Variants in CCDC171 observed in about 807,000 individuals in gnomAD.
CCDC171 encodes coiled-coil domain containing 171, also known as coiled-coil domain-containing protein 171.
A neutral mutation model predicts 168.2 loss-of-function variants in CCDC171; 177 were observed. The observed-to-expected ratio is 1.05, with a 90% CI of 0.93 to 1.19. CCDC171 has a LOEUF of 1.19. Ranked by LOEUF, CCDC171 falls within the 50% of genes most tolerant of loss-of-function variation. CCDC171 has a pLI of 0.00. For synonymous variants in CCDC171, 687 were observed against 540.8 expected (o/e 1.27, Z -3.75); for missense variants, 1,991 against 1,539.0 (o/e 1.29, Z -4.91).
intron 21 of CCDC171, among the ~76,000 whole-genome samples, chr9:15,791,424 G>C (rs1301621881): frequency 6.6e-6 from 1 of 152,016 alleles, no homozygotes; most frequent in African/African-American, 2.4e-5. Context: ...AAGAATGCTT[G>C]TGATTTTTGC....
intron 23 of CCDC171, among the ~76,000 whole-genome samples, chr9:15,873,651 G>T (rs918167909): frequency 6.6e-6 from 1 of 151,956 alleles, no homozygotes; most frequent in African/African-American, 2.4e-5. Context: ...AAATGCAAAC[G>T]AAACTATGGA....
At chr9:16,044,372 T>C (rs985187412) in intron 1 of CCDC171, among the ~76,000 whole-genome samples, 3 of 152,126 alleles carry the variant, frequency 2.0e-5, no homozygotes, top group Non-Finnish European at 4.4e-5. Flanking sequence ...ATTGTATACG[T>C]TGGGTTGTTT....
At chr9:15,850,677 G>C (rs1563868214) in intron 23 of CCDC171, among the ~76,000 whole-genome samples, 1 of 151,998 alleles carries the variant, frequency 6.6e-6, no homozygotes, top group Non-Finnish European at 1.5e-5. Context: ...GAGTGAGAAT[G>C]AATGAGTGAT....
intron 10 of CCDC171, among the ~76,000 whole-genome samples, chr9:15,679,736 A>G (rs1248124625): frequency 1.3e-5 from 2 of 152,078 alleles, no homozygotes; most frequent in South Asian, 2.1e-4. Flanking sequence ...TTTTACAGAG[A>G]TGAGGTCTCG....
At chr9:15,794,932 C>G (rs2058474754) in intron 21 of CCDC171, among the ~76,000 whole-genome samples, 1 of 152,166 alleles carries the variant, frequency 6.6e-6, no homozygotes, top group Admixed American at 6.5e-5. Context: ...GTATGTTTCT[C>G]CTACTGTCAT....
intron 10 of CCDC171, among the ~76,000 whole-genome samples, chr9:15,683,614 T>A (rs946128898): frequency 3.9e-5 from 6 of 152,078 alleles, no homozygotes; most frequent in Non-Finnish European, 8.8e-5. Flanking sequence ...ATCGCGTAAG[T>A]GTCTTTGTGT....
intron 7 of CCDC171, among the ~76,000 whole-genome samples, chr9:15,652,019 C>G (rs919804894): frequency 6.6e-5 from 10 of 152,142 alleles, no homozygotes; most frequent in Admixed American, 2.0e-4. Flanking sequence ...GCCGTCCTTT[C>G]CACTTTAGCC....
At chr9:15,967,815 A>G (rs961805268) in intron 25 of CCDC171, among the ~76,000 whole-genome samples, 3 of 152,212 alleles carry the variant, frequency 2.0e-5, no homozygotes, top group African/African-American at 7.2e-5. Context: ...CTCACTTTTT[A>G]TAATACTAAA....
chr9:15,876,830 C>T (rs781178223), intron 24 of CCDC171, among the ~76,000 whole-genome samples: 3 of 151,984 alleles, frequency 2.0e-5, no homozygotes, highest in Non-Finnish European at 4.4e-5. Context: ...TGTACTCTGA[C>T]TCTGTACTGA....
rs1379648180 is a variant in CCDC171 at position 15,721,871 on chromosome 9, A to G, written c.1421A>G (p.Asn474Ser). Residue 474 changes from asparagine (N) to serine (S), a missense_variant, in exon 12 of 26, where the codon AAT becomes AGT. By Grantham distance (46) the Asn-to-Ser change is conservative. Coordinates refer to ENST00000380701, the MANE Select transcript of CCDC171 (RefSeq NM_173550.4). ...CAGAACAAGCTGGAAGATGCATCTAATGAGGTAACACTTGCACTGTTTGGC... is the reference window on the plus strand; with the variant it reads ...CAGAACAAGCTGGAAGATGCATCTAGTGAGGTAACACTTGCACTGTTTGGC... ...DYQNKLEDAS[N>S]EEKACNELDS... is the part of the protein sequence containing the mutation. 1 of 1,532,288 alleles carries G rather than the reference A, an allele frequency of 6.5e-7. No homozygotes were observed. The highest frequency in any genetic ancestry group is 8.8e-7 in the Non-Finnish European group (1 of 1,131,188). The allele number at this position is 1,532,288 out of a possible 1,614,324, so 94.9% of individuals were successfully genotyped here.
intron 21 of CCDC171, among the ~76,000 whole-genome samples, chr9:15,804,090 G>A (rs963509378): frequency 6.6e-6 from 1 of 152,136 alleles, no homozygotes; most frequent in Admixed American, 6.5e-5. Flanking sequence ...TGTATCCTGA[G>A]ACTTTGCTGA....
At chr9:16,089,985 G>A in the CCDC171 span, among the ~76,000 whole-genome samples, 19 of 152,316 alleles carry the variant, frequency 1.2e-4, no homozygotes, top group South Asian at 3.9e-3. Context: ...GTGTAAATTA[G>A]TTCAACCATT....
Position 15,817,381 on chromosome 9 carries a change from C to T in CCDC171, c.3268-29321C>T, listed in dbSNP as rs1344995256. ...TGGGTGCAGTGCAGCAAGCATGAGC[C>T]GAAGCAGGGCGAGGCATTGCGTCAC... On this transcript the variant is annotated intron_variant, in intron 21 of 25. Coordinates refer to ENST00000380701, the MANE Select transcript of CCDC171 (RefSeq NM_173550.4). Among the ~76,000 whole-genome samples the T allele has an allele frequency of 5.1e-5, 6 of 117,466 alleles. 1 individual carries two copies. The highest frequency in any genetic ancestry group is 9.6e-5 in the Non-Finnish European group (5 of 52,282). 77.1% of individuals were successfully genotyped at this position (117,466 alleles called of 152,430 possible).
chr9:15,810,778 G>C (rs147610579), intron 21 of CCDC171, among the ~76,000 whole-genome samples: 1 of 152,164 alleles, frequency 6.6e-6, no homozygotes, highest in Non-Finnish European at 1.5e-5. Context: ...TCCCGCCTGC[G>C]CCTCTCCCTT....
At chr9:16,037,167 AATG>A (rs1172208719) in intron 8 of CCDC171, among the ~76,000 whole-genome samples, 1 of 152,370 alleles carries the variant, frequency 6.6e-6, no homozygotes, top group East Asian at 1.9e-4. Context: ...AACACAGAGA[AATG>A]ATGTGTTTGA....
intron 23 of CCDC171, among the ~76,000 whole-genome samples, chr9:15,856,026 T>G (rs1268602173): frequency 6.6e-6 from 1 of 151,988 alleles, no homozygotes; most frequent in Admixed American, 6.6e-5. Context: ...TATTTTTTCA[T>G]GTGAATTTGA....
At position 15,678,762 on chromosome 9, in the gene CCDC171, G is replaced by C. The variant is rs755045737; in HGVS notation, c.1081G>C (p.Glu361Gln). 6.3e-7 allele frequency: 1 copy of C among 1,580,772 alleles called. No homozygotes were observed. The highest frequency in any genetic ancestry group is 8.5e-7 in the Non-Finnish European group (1 of 1,170,892). ...TCTGACACTTTAACTTTTCAGATTA[G>C]AAAAAGAGTATTTCTCCAAAAATAA... is the stretch of plus-strand genomic sequence containing the variant. ...QESFAKLNLL[E>Q]KEYFSKNKKL... The change falls in exon 10 of 26, where the codon GAA becomes CAA. Residue 361 changes from glutamate to glutamine, a missense_variant. By Grantham distance (29) the Glu-to-Gln change is conservative. Coordinates refer to ENST00000380701, the MANE Select transcript of CCDC171 (RefSeq NM_173550.4).
intron 11 of CCDC171, among the ~76,000 whole-genome samples, chr9:15,711,383 A>G (rs538639580): frequency 1.3e-5 from 2 of 152,148 alleles, no homozygotes; most frequent in Admixed American, 6.5e-5. Context: ...TGAATTTTCA[A>G]TTTTTGTTTC....
intron 21 of CCDC171, among the ~76,000 whole-genome samples, chr9:15,831,242 G>A (rs950207481): frequency 4.6e-5 from 7 of 152,012 alleles, no homozygotes; most frequent in Non-Finnish European, 1.0e-4. Context: ...AAAGTGCTAG[G>A]ATTACAGGTG....
Sources: allele counts gnomAD v4.1 joint callset (sites outside exome capture counted in the v4.1 genomes callset), GRCh38; gene constraint gnomAD v4.1.1; transcripts MANE v1.5; gene names NCBI Gene and HGNC (gene_info 2026-07-23, HGNC 2026-07-21).